Variants in STK32B observed in about 807,000 individuals in gnomAD.
The protein encoded by STK32B is serine/threonine kinase 32B.
STK32B carries 43 observed loss-of-function variants against 52.6 expected under a neutral mutation model. The observed-to-expected ratio is 0.82, with a 90% confidence interval of 0.64 to 1.05. STK32B has a LOEUF of 1.05. Ranked by LOEUF, STK32B falls within the 50% of genes least tolerant of loss-of-function variation. STK32B has a pLI of 0.00. For synonymous variants in STK32B, 238 were observed against 204.3 expected, an observed-to-expected ratio of 1.17 and a Z score of -1.41; for missense variants, 621 against 534.6, an observed-to-expected ratio of 1.16 and a Z score of -1.59.
intron 3 of STK32B, among the ~76,000 whole-genome samples, chr4:5,292,275 C>G (rs972155158): frequency 2.0e-5 from 3 of 152,088 alleles, no homozygotes; most frequent in Non-Finnish European, 4.4e-5. Flanking sequence ...TGTATGAATG[C>G]TTCCTTTTCT....
chr4:5,072,996 G>A (rs550651375), intron 1 of STK32B, among the ~76,000 whole-genome samples: 4 of 152,046 alleles, frequency 2.6e-5, no homozygotes, highest in Admixed American at 1.3e-4. Context: ...TTTTGAATTC[G>A]ACATGGCTGC....
At chr4:5,038,909 T>C in the STK32B span, among the ~76,000 whole-genome samples, 1 of 152,044 alleles carries the variant, frequency 6.6e-6, no homozygotes, top group African/African-American at 2.4e-5. Flanking sequence ...TTTTTAATAT[T>C]TTTAAACTTT....
intron 4 of STK32B, among the ~76,000 whole-genome samples, chr4:5,393,543 C>A (rs1396925827): frequency 6.6e-6 from 1 of 152,040 alleles, no homozygotes; most frequent in Non-Finnish European, 1.5e-5. Context: ...AGGAAACTTA[C>A]GATGGTGGCA....
intron 1 of STK32B, among the ~76,000 whole-genome samples, chr4:5,102,205 G>A (rs1445500172): frequency 6.6e-6 from 1 of 152,284 alleles, no homozygotes; most frequent in Non-Finnish European, 1.5e-5. Flanking sequence ...TAAAATGCAG[G>A]TAGTTGTATC....
chr4:5,171,077 A>T (rs1430263307), intron 3 of STK32B, among the ~76,000 whole-genome samples: 3 of 151,878 alleles, frequency 2.0e-5, no homozygotes, highest in African/African-American at 7.3e-5. Flanking sequence ...GCATTTTTTC[A>T]TGTGTTTTTT....
chr4:5,063,492 G>A (rs561874289), intron 1 of STK32B, among the ~76,000 whole-genome samples: 5 of 152,034 alleles, frequency 3.3e-5, no homozygotes, highest in Admixed American at 2.0e-4. Context: ...ACAGGTGCCC[G>A]CCACCATGCC....
At position 5,051,743 on chromosome 4, in the gene STK32B, C is replaced by T. The variant is rs999714166; in HGVS notation, c.-121C>T. ...CACGGTGCTCGGCCCCCTCGGGCTC[C>T]GCGCGCGGCTACAACCCGGACTGGG... On this transcript the variant is annotated 5_prime_UTR_variant, in exon 1 of 12. Transcript: ENST00000282908. 8 of 1,399,068 alleles carry T rather than the reference C, an allele frequency of 5.7e-6. No individual in the cohort carries two copies. The highest frequency in any genetic ancestry group is 6.8e-6 in the Non-Finnish European group (7 of 1,032,968). The allele number at this position is 1,399,068 out of a possible 1,614,324, so 86.7% of individuals were successfully genotyped here. A position where few individuals can be genotyped will look rare whatever the true frequency, so the allele number is the denominator to read the frequency against.
intron 4 of STK32B, among the ~76,000 whole-genome samples, chr4:5,393,713 T>G (rs1404352845): frequency 6.6e-6 from 1 of 152,036 alleles, no homozygotes; most frequent in East Asian, 1.9e-4. Flanking sequence ...ACCCCCATGA[T>G]CCAATCACCT....
At position 5,066,346 on chromosome 4, in the gene STK32B, G is replaced by A. The variant is rs888071761; in HGVS notation, c.52+14431G>A. Among the ~76,000 whole-genome samples the A allele has an allele frequency of 1.9e-4, 29 of 152,204 alleles. 1 individual carries two copies. The highest frequency in any genetic ancestry group is 4.0e-4 in the Non-Finnish European group (27 of 68,020). On this transcript the variant is annotated intron_variant, in intron 1 of 11. Coordinates refer to ENST00000282908, the MANE Select transcript of STK32B (RefSeq NM_018401.3). ...ACACCAACCTCAGTTCAAACATCAC[G>A]TTTCATGTGGACTCTCCTGGGCTTC... is the stretch of plus-strand genomic sequence containing the variant.
intron 3 of STK32B, among the ~76,000 whole-genome samples, chr4:5,280,018 C>T (rs887235227): frequency 3.3e-5 from 5 of 152,306 alleles, no homozygotes; most frequent in Non-Finnish European, 7.4e-5. Flanking sequence ...GTCCTGGAGG[C>T]ATTTTCCTCA....
chr4:5,263,780 T>C (rs1380740434), intron 3 of STK32B, among the ~76,000 whole-genome samples: 2 of 152,226 alleles, frequency 1.3e-5, no homozygotes, highest in Admixed American at 6.5e-5. Context: ...CTTTATAGAC[T>C]ATTTCTATCA....
intron 3 of STK32B, among the ~76,000 whole-genome samples, chr4:5,302,060 T>A (rs1560298459): frequency 6.6e-6 from 1 of 151,916 alleles, no homozygotes; most frequent in Non-Finnish European, 1.5e-5. Context: ...CTATTTTAAT[T>A]ACTTTGTTCT....
chr4:5,117,344 A>C (rs926944970), intron 1 of STK32B, among the ~76,000 whole-genome samples: 1 of 152,178 alleles, frequency 6.6e-6, no homozygotes, highest in Non-Finnish European at 1.5e-5. Flanking sequence ...AAGTTTTTAT[A>C]AGAATGTTGA....
chr4:5,085,598 C>A (rs1712690519), intron 1 of STK32B, among the ~76,000 whole-genome samples: 1 of 152,102 alleles, frequency 6.6e-6, no homozygotes, highest in African/African-American at 2.4e-5. Flanking sequence ...CACCAACAGG[C>A]CATTAGTGAA....
At chr4:5,359,874 G>A (rs1402076173) in intron 4 of STK32B, among the ~76,000 whole-genome samples, 1 of 152,164 alleles carries the variant, frequency 6.6e-6, no homozygotes, top group Non-Finnish European at 1.5e-5. Flanking sequence ...TGAGGTAATA[G>A]GGACTTATCA....
intron 3 of STK32B, among the ~76,000 whole-genome samples, chr4:5,295,020 T>A (rs6446349): frequency 6.6e-6 from 1 of 152,076 alleles, no homozygotes; most frequent in Admixed American, 6.5e-5. Context: ...TTTCTGCATC[T>A]ATTGAGATAG....
chr4:5,364,396 G>T (rs116174103), intron 4 of STK32B, among the ~76,000 whole-genome samples: 1 of 152,168 alleles, frequency 6.6e-6, no homozygotes, highest in Non-Finnish European at 1.5e-5. Context: ...GTCCCTGCTA[G>T]CTTCATTTGT....
At chr4:5,022,389 A>G in the STK32B span, among the ~76,000 whole-genome samples, 1 of 152,162 alleles carries the variant, frequency 6.6e-6, no homozygotes, top group Non-Finnish European at 1.5e-5. Flanking sequence ...GCTCCCCACC[A>G]GGGGCTCCCT....
rs955508308 is a variant in STK32B, at chr4:5,453,655, G to C, written c.667-3152G>C. On this transcript the variant is annotated intron_variant, in intron 7 of 11. Transcript: ENST00000282908. This position sits in a 1 kb window ranked among gnomAD's most constrained non-coding sequence, Gnocchi z 4.0. ...GCAGTGGCTTACGTCTGTAATCCCA[G>C]CACTCTGGGAGGCTGAGACGGGCAG... Among the ~76,000 whole-genome samples the C allele has an allele frequency of 2.0e-5, 3 of 152,178 alleles. No individual in the cohort carries two copies. The highest frequency in any genetic ancestry group is 4.4e-5 in the Non-Finnish European group (3 of 68,022).
Sources: allele counts gnomAD v4.1 joint callset (sites outside exome capture counted in the v4.1 genomes callset), GRCh38; gene constraint gnomAD v4.1.1; non-coding constraint Gnocchi (gnomAD v3.1); transcripts MANE v1.5; gene names NCBI Gene and HGNC (gene_info 2026-07-23, HGNC 2026-07-21).